The following SHANK2 variants were observed in gnomAD, a reference collection of about 807,000 sequenced individuals.
SHANK2 encodes the protein SH3 and multiple ankyrin repeat domains protein 2.
Under a neutral mutation model 133.7 loss-of-function variants are expected in SHANK2, and 43 were observed. That is an observed-to-expected ratio of 0.32 (90% confidence interval 0.25 to 0.41). The LOEUF is 0.41. Among genes scored for constraint, SHANK2 ranks in the 10% least tolerant of loss-of-function variants. The pLI, the probability that SHANK2 is intolerant of heterozygous loss-of-function variation, is 1.00. For synonymous variants in SHANK2, 1,017 were observed against 952.8 expected (o/e 1.07, Z -1.24); for missense variants, 1,994 against 2,235.8 (o/e 0.89, Z 2.18).
At chr11:70,810,879 C>T (rs1046219810) in intron 12 of SHANK2, among the ~76,000 whole-genome samples, 1 of 152,198 alleles carries the variant, frequency 6.6e-6, no homozygotes, top group African/African-American at 2.4e-5. Context: ...GAACACAGGG[C>T]TATGCCGACA....
intron 17 of SHANK2, among the ~76,000 whole-genome samples, chr11:70,595,424 G>A (rs1225286634): frequency 3.3e-5 from 5 of 152,184 alleles, no homozygotes; most frequent in East Asian, 1.9e-4. Context: ...TTTTAAAGTC[G>A]AGTTTTTATC....
chr11:70,560,495 T>G (rs868951507), intron 17 of SHANK2, among the ~76,000 whole-genome samples: 27 of 115,144 alleles, frequency 2.3e-4, no homozygotes, highest in East Asian at 1.3e-3. Flanking sequence ...TTTTTTTTTT[T>G]TTTTTTTTTT....
At chr11:71,215,333 C>T (rs1954384170) in intron 2 of SHANK2, among the ~76,000 whole-genome samples, 1 of 152,158 alleles carries the variant, frequency 6.6e-6, no homozygotes, top group Non-Finnish European at 1.5e-5. Flanking sequence ...GCCTCCCTGG[C>T]TCCCCTCACC....
At chr11:70,743,756 G>A (rs1555035288) in intron 14 of SHANK2, among the ~76,000 whole-genome samples, 1 of 152,120 alleles carries the variant, frequency 6.6e-6, no homozygotes, top group East Asian at 1.9e-4. Flanking sequence ...TCAGATCCTG[G>A]TGAACTCTGC....
chr11:71,183,317 T>C (rs1338723925), intron 2 of SHANK2, among the ~76,000 whole-genome samples: 1 of 152,150 alleles, frequency 6.6e-6, no homozygotes, highest in Non-Finnish European at 1.5e-5. Context: ...CGACTCATGC[T>C]GTGGGTGAAA....
At chr11:71,120,539 C>G (rs1313770218) in intron 3 of SHANK2, among the ~76,000 whole-genome samples, 2 of 152,156 alleles carry the variant, frequency 1.3e-5, no homozygotes, top group Non-Finnish European at 2.9e-5. Context: ...CGGCCAGAGT[C>G]CTCCCTGCCA....
intron 2 of SHANK2, among the ~76,000 whole-genome samples, chr11:71,194,144 G>C (rs544800000): frequency 2.6e-5 from 4 of 152,254 alleles, no homozygotes; most frequent in African/African-American, 9.6e-5. Flanking sequence ...CCCACTCCAG[G>C]ATGGGGTGGA....
rs1020057719 is a variant in SHANK2 at position 71,097,918 on chromosome 11, G to A, written c.593-3230C>T. The stretch of plus-strand genomic sequence containing the variant: ...CATGGCTGTGTGTATGCACACCTAT[G>A]TGTGCATGCCTGTTTGTGTGCACGC... On this transcript the variant is annotated intron_variant, in intron 6 of 25. Coordinates refer to ENST00000601538, the MANE Select transcript of SHANK2 (RefSeq NM_012309.5). Among the ~76,000 whole-genome samples the A allele has an allele frequency of 2.0e-5, 3 of 151,972 alleles. No individual in the cohort carries two copies. The South Asian group carries it at 6.2e-4, about 32-fold the overall frequency.
chr11:70,473,540 G>T lies in SHANK2; in HGVS notation c.4980-101C>A. ...AAGGCGAGGGAGACGCCCAAACCAT[G>T]CCAGAGTGTCTAGTGGCAGATCCAC... On this transcript the variant is annotated intron_variant, in intron 25 of 25. Coordinates refer to ENST00000601538, the MANE Select transcript of SHANK2 (RefSeq NM_012309.5). The surrounding 1 kb of genome is among the most constrained non-coding windows in gnomAD (Gnocchi z 5.9). 1 of 1,162,102 alleles carries T rather than the reference G, an allele frequency of 8.6e-7. No homozygotes were observed. The highest frequency in any genetic ancestry group is 1.3e-6 in the Non-Finnish European group (1 of 796,842). The allele number at this position is 1,162,102 out of a possible 1,614,324, so 72.0% of individuals were successfully genotyped here.
intron 6 of SHANK2, among the ~76,000 whole-genome samples, chr11:71,100,236 C>T (rs1353255123): frequency 1.3e-5 from 2 of 152,196 alleles, no homozygotes; most frequent in African/African-American, 4.8e-5. Flanking sequence ...AACGCACTTA[C>T]TCCACAATCC....
intron 14 of SHANK2, among the ~76,000 whole-genome samples, chr11:70,707,252 A>G (rs1945680897): frequency 6.6e-6 from 1 of 151,674 alleles, no homozygotes; most frequent in South Asian, 2.1e-4. Context: ...GGCACCTGTA[A>G]TCTCAGCTAC....
chr11:71,189,745 A>T (rs1476761853), intron 2 of SHANK2, among the ~76,000 whole-genome samples: 8 of 152,234 alleles, frequency 5.3e-5, no homozygotes, highest in Admixed American at 2.0e-4. Flanking sequence ...CAAGCTCTGT[A>T]TCTGAGGCCA....
At chr11:70,547,807 C>T (rs1186761446) in intron 17 of SHANK2, among the ~76,000 whole-genome samples, 1 of 152,244 alleles carries the variant, frequency 6.6e-6, no homozygotes, top group South Asian at 2.1e-4. Context: ...CTAAAGGAAT[C>T]CTTGGTCCCC....
intron 15 of SHANK2, among the ~76,000 whole-genome samples, chr11:70,665,185 G>T (rs1944656139): frequency 1.3e-5 from 2 of 152,140 alleles, no homozygotes; most frequent in South Asian, 4.2e-4. Flanking sequence ...CTGCCACTCA[G>T]GCTGGAGTGC....
chr11:71,102,782 G>A (rs995483953), intron 6 of SHANK2, among the ~76,000 whole-genome samples: 1 of 152,220 alleles, frequency 6.6e-6, no homozygotes, highest in Non-Finnish European at 1.5e-5. Flanking sequence ...GGACCCCCCA[G>A]GGCAAGTGGA....
At chr11:70,888,814 C>T (rs1454294529) in intron 11 of SHANK2, among the ~76,000 whole-genome samples, 19 of 143,724 alleles carry the variant, frequency 1.3e-4, no homozygotes, top group Non-Finnish European at 3.0e-5. Flanking sequence ...GAGACGCCAT[C>T]TCAAAAAAAA....
intron 15 of SHANK2, among the ~76,000 whole-genome samples, chr11:70,693,812 GTGGA>G (rs1945337175): frequency 1.3e-5 from 2 of 152,158 alleles, no homozygotes; most frequent in Non-Finnish European, 2.9e-5. Flanking sequence ...AGATAAATGG[GTGGA>G]TGGATGGATG....
rs568769644 is a variant in SHANK2 at position 70,842,240 on chromosome 11, C to T, written c.1175-21558G>A. Among the ~76,000 whole-genome samples the T allele has an allele frequency of 1.6e-4, 24 of 152,242 alleles. No homozygotes were observed. The South Asian group carries it at 4.4e-3, about 28-fold the overall frequency. ...CTAATTTCTTTTTAGTAAAATTTGACGATGGTTTTGCCTTCCCTTGACTTG... is the reference window on the plus strand; with the variant it reads ...CTAATTTCTTTTTAGTAAAATTTGATGATGGTTTTGCCTTCCCTTGACTTG... On this transcript the variant is annotated intron_variant, in intron 11 of 25. Coordinates refer to ENST00000601538, the MANE Select transcript of SHANK2 (RefSeq NM_012309.5).
chr11:70,832,072 A>G (rs769018175), intron 11 of SHANK2, among the ~76,000 whole-genome samples: 40 of 152,210 alleles, frequency 2.6e-4, no homozygotes, highest in Non-Finnish European at 4.0e-4. Flanking sequence ...TTTGGGGACA[A>G]GTCTCAGCTC....
Sources: allele counts gnomAD v4.1 joint callset (sites outside exome capture counted in the v4.1 genomes callset), GRCh38; gene constraint gnomAD v4.1.1; non-coding constraint Gnocchi (gnomAD v3.1); transcripts MANE v1.5; gene names NCBI Gene and HGNC (gene_info 2026-07-23, HGNC 2026-07-21).